Variants in ETV6 observed in about 807,000 individuals in gnomAD.
ETV6 encodes ETS variant transcription factor 6, also known as transcription factor ETV6.
ETV6 carries 16 observed loss-of-function variants against 51.1 expected under a neutral mutation model. The ratio of observed to expected loss-of-function variants is 0.31; its 90% CI spans 0.21 to 0.48. The LOEUF (loss-of-function observed/expected upper bound fraction) is 0.48. Ranked by LOEUF, ETV6 falls within the 20% of genes least tolerant of loss-of-function variation. The pLI is 0.99. For synonymous variants in ETV6, 240 were observed against 224.1 expected (o/e 1.07, Z -0.64); for missense variants, 458 against 594.8 (o/e 0.77, Z 2.39).
intron 3 of ETV6, among the ~76,000 whole-genome samples, chr12:11,847,855 G>GA (rs1247422526): frequency 6.6e-6 from 1 of 152,068 alleles, no homozygotes; most frequent in East Asian, 1.9e-4. Flanking sequence ...ATGTGGACAG[G>GA]AAAAAAACTT....
intron 2 of ETV6, among the ~76,000 whole-genome samples, chr12:11,769,250 T>A (rs1486334521): frequency 4.6e-5 from 7 of 152,206 alleles, no homozygotes; most frequent in African/African-American, 1.7e-4. Flanking sequence ...AGTCCAGAGT[T>A]TTATTATTTT....
intron 2 of ETV6, among the ~76,000 whole-genome samples, chr12:11,808,348 A>G (rs1283642054): frequency 6.6e-6 from 1 of 152,124 alleles, no homozygotes; most frequent in Non-Finnish European, 1.5e-5. Flanking sequence ...AGAAAAAAGT[A>G]CCTGACAAGG....
chr12:11,799,153 G>A (rs1591682009), intron 2 of ETV6, among the ~76,000 whole-genome samples: 1 of 152,302 alleles, frequency 6.6e-6, no homozygotes, highest in African/African-American at 2.4e-5. Context: ...AGGAAGAAGA[G>A]GAGACAGCTA....
At chr12:11,852,937 A>G (rs1218073258) in intron 3 of ETV6, among the ~76,000 whole-genome samples, 1 of 152,220 alleles carries the variant, frequency 6.6e-6, no homozygotes, top group Non-Finnish European at 1.5e-5. Flanking sequence ...CTGTAATCCC[A>G]GCACTTTGGG....
intron 1 of ETV6, among the ~76,000 whole-genome samples, chr12:11,742,388 T>C (rs923178357): frequency 6.6e-5 from 10 of 152,230 alleles, no homozygotes; most frequent in Admixed American, 5.9e-4. Context: ...TCTGAGTCCC[T>C]ATTCCTAAGA....
chr12:11,869,955 T>C lies in ETV6; in HGVS notation c.995T>C (p.Ile332Thr), dbSNP rs760424615. The C allele has an allele frequency of 2.5e-6, 4 of 1,604,594 alleles. No homozygotes were observed. The highest frequency in any genetic ancestry group is 3.4e-6 in the Non-Finnish European group (4 of 1,178,542). Reference protein sequence around the residue: ...VSPPEEHAMPIGRIADCRLLW... With the variant: ...VSPPEEHAMPTGRIADCRLLW... ...CCGCCTGAAGAGCACGCCATGCCCA[T>C]TGGGAGAATAGCAGGTGAGTGAGTT... The change falls in exon 5 of 8, where the codon ATT becomes ACT. Residue 332 changes from isoleucine to threonine, a missense_variant. This residue lies in a region of ETV6 where 293 missense variants were observed against 315.7 expected (regional missense o/e 0.93). Transcript: ENST00000396373. The surrounding 1 kb of genome is among the most constrained non-coding windows in gnomAD (Gnocchi z 5.0).
At chr12:11,720,170 A>T (rs1865355885) in intron 1 of ETV6, among the ~76,000 whole-genome samples, 1 of 152,154 alleles carries the variant, frequency 6.6e-6, no homozygotes, top group Non-Finnish European at 1.5e-5. Flanking sequence ...GCTTCTGAGG[A>T]TGGTGTTAGC....
rs577024309 is a variant in ETV6, at chr12:11,789,890, G to A, written c.163+37311G>A. ...CCAGATTCTGCAGTTTTACAGTAAT[G>A]TGCCTTAGTCTGGGTCTGTGCTAAT... On this transcript the variant is annotated intron_variant, in intron 2 of 7. Transcript: ENST00000396373. 1.1e-3 allele frequency among the ~76,000 whole-genome samples: 163 copies of A among 152,178 alleles called. 1 individual carries two copies. The highest frequency in any genetic ancestry group is 3.5e-3 in the Admixed American group (54 of 15,286).
chr12:11,711,077 G>A (rs879942981), intron 1 of ETV6, among the ~76,000 whole-genome samples: 12 of 152,192 alleles, frequency 7.9e-5, no homozygotes, highest in Non-Finnish European at 1.8e-4. Context: ...AATAATCACA[G>A]CACTCTTTAG....
intron 5 of ETV6, among the ~76,000 whole-genome samples, chr12:11,871,018 A>G (rs1946873284): frequency 6.6e-6 from 1 of 152,122 alleles, no homozygotes; most frequent in African/African-American, 2.4e-5. Context: ...GATAGTGGGA[A>G]GGAGGCCTGG....
chr12:11,715,620 A>C (rs1425573847), intron 1 of ETV6, among the ~76,000 whole-genome samples: 1 of 152,246 alleles, frequency 6.6e-6, no homozygotes, highest in African/African-American at 2.4e-5. Context: ...TTTCCTAATC[A>C]GTACTCCCTG....
rs1470956709 is a variant in ETV6, at chr12:11,891,664, C to T, written c.*618C>T. ...GAGAGCTCTCTTTTTCTCTCTCTTG[C>T]TCTGTTCTTCCCTTGGTCCCCTCTG... On this transcript the variant is annotated 3_prime_UTR_variant, in exon 8 of 8. Transcript: ENST00000396373. The T allele has an allele frequency of 3.9e-6, 2 of 518,540 alleles. No individual in the cohort carries two copies. The highest frequency in any genetic ancestry group is 7.4e-6 in the Non-Finnish European group (2 of 269,696). 32.1% of individuals were successfully genotyped at this position (518,540 alleles called of 1,614,324 possible).
chr12:11,781,047 T>C (rs2136368827), intron 2 of ETV6, among the ~76,000 whole-genome samples: 1 of 152,362 alleles, frequency 6.6e-6, no homozygotes, highest in East Asian at 1.9e-4. Flanking sequence ...TAATTCTGTT[T>C]GCATGCTAGG....
intron 1 of ETV6, among the ~76,000 whole-genome samples, chr12:11,653,940 G>A (rs142762032): frequency 7.2e-5 from 11 of 152,096 alleles, no homozygotes; most frequent in Admixed American, 2.6e-4. Context: ...AGCCTCCCAA[G>A]TAGTTGGGAT....
chr12:11,670,972 G>A (rs1189801958), intron 1 of ETV6, among the ~76,000 whole-genome samples: 1 of 152,118 alleles, frequency 6.6e-6, no homozygotes, highest in African/African-American at 2.4e-5. Context: ...CAGGGATTGT[G>A]GGTTGTTCTT....
chr12:11,887,792 G>A (rs1449799980), intron 7 of ETV6, among the ~76,000 whole-genome samples: 3 of 151,082 alleles, frequency 2.0e-5, no homozygotes, highest in Non-Finnish European at 4.4e-5. Flanking sequence ...CAGAATTATT[G>A]AATTCTTTAC....
rs573806306 is a variant in ETV6 at position 11,895,300 on chromosome 12, CAA to C, written c.*4262_*4263del. ...AATGTAACAAAAAAGAAAAAAAAAA[CAA>C]AAAAAAATGCCTTTTCTCAGGGCCA... On this transcript the variant is annotated 3_prime_UTR_variant, in exon 8 of 8. Transcript: ENST00000396373. The C allele has an allele frequency of 1.1e-5, 2 of 181,118 alleles. No homozygotes were observed. The highest frequency in any genetic ancestry group is 2.2e-5 in the Non-Finnish European group (2 of 90,820). The allele number at this position is 181,118 out of a possible 1,614,324, so 11.2% of individuals were successfully genotyped here. A position where few individuals can be genotyped will look rare whatever the true frequency, so the allele number is the denominator to read the frequency against.
rs565940601 is a variant in ETV6, at chr12:11,801,476, A to G, written c.164-37664A>G. Among the ~76,000 whole-genome samples, 4 of 152,352 alleles carry G rather than the reference A, an allele frequency of 2.6e-5. No individual in the cohort carries two copies. In the East Asian group the frequency reaches 5.8e-4, roughly 22 times the overall value. On this transcript the variant is annotated intron_variant, in intron 2 of 7. Coordinates refer to ENST00000396373, the MANE Select transcript of ETV6 (RefSeq NM_001987.5). Reference sequence around the variant, plus strand: ...TGAAGTATAGGTTGTGCTCTGTTCAATTCAGGTTGTCTTGACAAAGACTGA... The same window carrying G: ...TGAAGTATAGGTTGTGCTCTGTTCAGTTCAGGTTGTCTTGACAAAGACTGA...
chr12:11,848,030 C>T lies in ETV6; in HGVS notation c.329-5397C>T, dbSNP rs542595078. ...TATGAATGTGACTTTGTAAAACTTA[C>T]GCATGTGCTTTAAATACAAAAGTAC... On this transcript the variant is annotated intron_variant, in intron 3 of 7. Coordinates refer to ENST00000396373, the MANE Select transcript of ETV6 (RefSeq NM_001987.5). 3.9e-5 allele frequency among the ~76,000 whole-genome samples: 6 copies of T among 152,304 alleles called. No homozygotes were observed. In the South Asian group the frequency reaches 8.3e-4, roughly 21 times the overall value.
Sources: gnomAD v4.1 joint callset for allele counts (sites outside exome capture counted in the v4.1 genomes callset) on GRCh38, gnomAD v4.1.1 for gene constraint, gnomAD v4.1.1 regional missense constraint, Gnocchi (gnomAD v3.1) non-coding constraint, MANE v1.5 for transcripts, NCBI Gene and HGNC (gene_info 2026-07-23, HGNC 2026-07-21) for gene names.